Variants in MBNL1 observed in about 807,000 individuals in gnomAD.
MBNL1 encodes muscleblind-like protein 1.
In MBNL1, 8 loss-of-function variants were observed where a neutral mutation model predicts 42.2. That is an observed-to-expected ratio of 0.19 (90% CI 0.11 to 0.34). MBNL1 has a LOEUF of 0.34. Ranked by LOEUF, MBNL1 falls within the 10% of genes least tolerant of loss-of-function variation. MBNL1 has a pLI of 1.00. For synonymous variants in MBNL1, 169 were observed against 173.9 expected (o/e 0.97, Z 0.22); for missense variants, 309 against 495.3 (o/e 0.62, Z 3.57).
chr3:152,301,782 G>A (rs1274830150), intron 2 of MBNL1: 1 of 152,276 alleles, frequency 6.6e-6, no homozygotes, highest in South Asian at 2.1e-4. Context: ...CATGCTGGCT[G>A]AATTCAGGTG....
In MBNL1 at chr3:152,465,678, T is replaced by C. The variant is rs1750234451; in HGVS notation, c.*3312T>C. On this transcript the variant is annotated 3_prime_UTR_variant, in exon 10 of 10. Transcript: ENST00000324210. ...TAAAATTATGTATTTTGTCTTGGGC[T>C]GCAATTTGTTTTATGCTTATTTTAT... 6.6e-6 allele frequency: 1 copy of C among 152,642 alleles called. No individual in the cohort carries two copies. The highest frequency in any genetic ancestry group is 1.5e-5 in the Non-Finnish European group (1 of 68,042). 9.5% of individuals were successfully genotyped at this position (152,642 alleles called of 1,614,324 possible). A position where few individuals can be genotyped will look rare whatever the true frequency, so the allele number is the denominator to read the frequency against.
At chr3:152,310,822 G>A (rs115599274) in intron 2 of MBNL1, among the ~76,000 whole-genome samples, 69 of 152,056 alleles carry the variant, frequency 4.5e-4, no homozygotes, top group South Asian at 1.7e-3. Context: ...AGACTGTTTG[G>A]GGGGGTTGGG....
intron 2 of MBNL1, among the ~76,000 whole-genome samples, chr3:152,257,302 C>A (rs922683392): frequency 1.3e-5 from 2 of 152,116 alleles, no homozygotes; most frequent in African/African-American, 4.8e-5. Context: ...AATAATAGTA[C>A]ACATTTGTTG....
intron 2 of MBNL1, among the ~76,000 whole-genome samples, chr3:152,336,770 G>A (rs1452617771): frequency 2.0e-5 from 3 of 152,016 alleles, no homozygotes; most frequent in Non-Finnish European, 2.9e-5. Context: ...GCAGGTGAGG[G>A]GAGAAATCAA....
At chr3:152,356,450 G>T (rs2095524910) in intron 2 of MBNL1, among the ~76,000 whole-genome samples, 1 of 152,124 alleles carries the variant, frequency 6.6e-6, no homozygotes, top group South Asian at 2.1e-4. Flanking sequence ...ATCCAAGTTT[G>T]CCTGACAAAG....
intron 1 of MBNL1, among the ~76,000 whole-genome samples, chr3:152,272,454 C>T (rs1299059215): frequency 6.6e-6 from 1 of 151,756 alleles, no homozygotes; most frequent in African/African-American, 2.4e-5. Flanking sequence ...TTATCATTGT[C>T]CTGAAGTTAC....
chr3:152,335,372 G>T (rs560140540), intron 2 of MBNL1: 31 of 716,874 alleles, frequency 4.3e-5, no homozygotes, highest in Non-Finnish European at 6.4e-5. Flanking sequence ...AGGAACCGTG[G>T]TTTTCACATT....
At chr3:152,412,699 G>T (rs1205802047) in intron 2 of MBNL1, among the ~76,000 whole-genome samples, 1 of 152,030 alleles carries the variant, frequency 6.6e-6, no homozygotes, top group Non-Finnish European at 1.5e-5. Context: ...TTCAGTCCAG[G>T]CTATGTTCAT....
At chr3:152,298,221 T>C (rs374694275) in intron 1 of MBNL1, among the ~76,000 whole-genome samples, 32 of 152,310 alleles carry the variant, frequency 2.1e-4, no homozygotes, top group African/African-American at 7.2e-4. Context: ...TACTGTGTCA[T>C]TGCCTCTTTA....
chr3:152,424,620 C>A (rs567726893), intron 3 of MBNL1, among the ~76,000 whole-genome samples: 1 of 150,816 alleles, frequency 6.6e-6, no homozygotes, highest in Non-Finnish European at 1.5e-5. Context: ...CCTGTATAGC[C>A]AAGACAATCC....
chr3:152,269,936 C>T lies in MBNL1; in HGVS notation c.-790+844C>T, dbSNP rs542784338. 7.8e-3 allele frequency among the ~76,000 whole-genome samples: 895 copies of T among 115,346 alleles called. 11 individuals are homozygous for T. Among genetic ancestry groups the T allele is most frequent in the African/African-American group, 0.029 (846 of 28,790 alleles). The allele number at this position is 115,346 out of a possible 152,430, so 75.7% of individuals were successfully genotyped here. A position where few individuals can be genotyped will look rare whatever the true frequency, so the allele number is the denominator to read the frequency against. On this transcript the variant is annotated intron_variant, in intron 1 of 9. Transcript: ENST00000324210. The stretch of plus-strand genomic sequence containing the variant: ...CCCAACTTTTTTTTTTTTTTTTAAA[C>T]GGAGCCGGAATCTGTTATTGGTAGT...
chr3:152,305,596 T>C (rs1022882662), intron 2 of MBNL1, among the ~76,000 whole-genome samples: 3 of 151,960 alleles, frequency 2.0e-5, no homozygotes, highest in African/African-American at 7.3e-5. Flanking sequence ...CCAGTAGAAG[T>C]GGGTAACTAG....
At chr3:152,279,671 G>A (rs779335390) in intron 1 of MBNL1, among the ~76,000 whole-genome samples, 4 of 152,156 alleles carry the variant, frequency 2.6e-5, no homozygotes, top group Non-Finnish European at 4.4e-5. Flanking sequence ...TGTTGTAACA[G>A]TGCATTTCGC....
At chr3:152,327,092 A>G (rs1221990736) in intron 2 of MBNL1, among the ~76,000 whole-genome samples, 1 of 152,044 alleles carries the variant, frequency 6.6e-6, no homozygotes, top group Admixed American at 6.6e-5. Context: ...TACAGGCGTG[A>G]GCCACTGCGC....
At chr3:152,382,120 G>A (rs1281584535) in intron 2 of MBNL1, among the ~76,000 whole-genome samples, 1 of 151,988 alleles carries the variant, frequency 6.6e-6, no homozygotes, top group East Asian at 1.9e-4. Flanking sequence ...ATTCAACCAA[G>A]TAAGCAAATA....
intron 2 of MBNL1, among the ~76,000 whole-genome samples, chr3:152,392,207 A>G (rs1460363242): frequency 1.3e-5 from 2 of 152,212 alleles, no homozygotes; most frequent in Admixed American, 6.5e-5. Context: ...GTACCTGAAG[A>G]TGGGTCTTAA....
At chr3:152,292,963 C>A (rs1451534073) in intron 1 of MBNL1, among the ~76,000 whole-genome samples, 2 of 151,756 alleles carry the variant, frequency 1.3e-5, no homozygotes, top group Non-Finnish European at 2.9e-5. Context: ...GATATAGGGT[C>A]CTACTATGTT....
At chr3:152,323,475 ACAC>A (rs1362161303) in intron 2 of MBNL1, among the ~76,000 whole-genome samples, 3 of 152,144 alleles carry the variant, frequency 2.0e-5, no homozygotes, top group Admixed American at 6.6e-5. Flanking sequence ...ACACACACAC[ACAC>A]GTCATGCCTT....
At chr3:152,431,338 A>C (rs1374177016) in intron 3 of MBNL1, among the ~76,000 whole-genome samples, 1 of 152,212 alleles carries the variant, frequency 6.6e-6, no homozygotes, top group African/African-American at 2.4e-5. Context: ...TGCCCTAAGA[A>C]AAAGGGAATA....
Sources: gnomAD v4.1 joint callset for allele counts (sites outside exome capture counted in the v4.1 genomes callset) on GRCh38, gnomAD v4.1.1 for gene constraint, MANE v1.5 for transcripts, NCBI Gene and HGNC (gene_info 2026-07-23, HGNC 2026-07-21) for gene names.